C9orf72: variants seen among roughly 807,000 people sequenced by gnomAD.
C9orf72 encodes C9orf72-SMCR8 complex subunit.
C9orf72 carries 44 observed loss-of-function variants against 51.6 expected under a neutral mutation model. That is an observed-to-expected ratio of 0.85 (90% CI 0.67 to 1.10). The LOEUF is 1.10. Ranked by LOEUF, C9orf72 falls within the 50% of genes least tolerant of loss-of-function variation. C9orf72 has a pLI of 0.00. For synonymous variants in C9orf72, 213 were observed against 194.2 expected, an observed-to-expected ratio of 1.10 and a Z score of -0.81; for missense variants, 607 against 570.6, an observed-to-expected ratio of 1.06 and a Z score of -0.65.
upstream of C9orf72, chr9:27,573,528 C>CGGCCCT (rs1187731056): frequency 4.8e-4 from 17 of 35,742 alleles, no homozygotes; most frequent in African/African-American, 1.2e-3. Flanking sequence ...GACCACGCCC[C>CGGCCCT]GGCCCCGGCC....
In C9orf72 at chr9:27,556,702, T is replaced by G. The variant is rs1449481545; in HGVS notation, c.950A>C (p.Gln317Pro). 6.2e-7 allele frequency: 1 copy of G among 1,613,996 alleles called. No individual in the cohort carries two copies. The highest frequency in any genetic ancestry group is 8.5e-7 in the Non-Finnish European group (1 of 1,179,890). ...AATATGTTCATGACAGGGTGGCATC[T>G]GCTTCACAGTATTGACATCCACATC... Reference protein sequence around the residue: ...HIDVDVNTVKQMPPCHEHIYN... With the variant: ...HIDVDVNTVKPMPPCHEHIYN... The change falls in exon 8 of 11, where the codon CAG becomes CCG. Residue 317 changes from glutamine to proline, a missense_variant. Gln to Pro is a moderately conservative substitution (Grantham distance 76). Coordinates refer to ENST00000380003, the MANE Select transcript of C9orf72 (RefSeq NM_018325.5).
At position 27,566,970 on chromosome 9, in the gene C9orf72, G is replaced by T; in HGVS notation, c.151C>A (p.Gln51Lys). 1.2e-6 allele frequency: 2 copies of T among 1,614,118 alleles called. No individual in the cohort carries two copies. Among genetic ancestry groups the T allele is most frequent in the South Asian group, 2.2e-5 (2 of 91,082 alleles). Reference protein sequence around the residue: ...VRHIWAPKTEQVLLSDGEITF... With the variant: ...VRHIWAPKTEKVLLSDGEITF... ...ATTTCTCCATCACTGAGAAGTACCT[G>T]TTCTGTCTTTGGAGCCCAAATGTGC... Residue 51 changes from glutamine to lysine, a missense_variant, in exon 2 of 11, where the codon CAG (glutamine) becomes AAG (lysine). Transcript: ENST00000380003.
At chr9:27,562,696 G>C (rs961165296) in intron 3 of C9orf72, among the ~76,000 whole-genome samples, 6 of 149,928 alleles carry the variant, frequency 4.0e-5, no homozygotes, top group African/African-American at 1.5e-4. Flanking sequence ...TTTTGAGATG[G>C]AGTTTTGCTT....
chr9:27,561,297 T>C, intron 5 of C9orf72: 1 of 1,172,580 alleles, frequency 8.5e-7, no homozygotes, highest in Non-Finnish European at 1.1e-6. Context: ...AGGATTCTGT[T>C]AGCTTTAATG....
intron 1 of C9orf72, among the ~76,000 whole-genome samples, chr9:27,569,643 C>T (rs543633010): frequency 2.0e-5 from 3 of 152,260 alleles, no homozygotes; most frequent in African/African-American, 4.8e-5. Flanking sequence ...TGCATAATGA[C>T]AAAATCGCCT....
rs370456322 is a variant in C9orf72 at position 27,554,862 on chromosome 9, A to G, written c.1091+1699T>C. ...AATTTAGAGCTGGATGCAAAATTTA[A>G]AAATTCAGGATATTATTTTGTCATG... is the stretch of plus-strand genomic sequence containing the variant. On this transcript the variant is annotated intron_variant, in intron 8 of 10. Transcript: ENST00000380003. Among the ~76,000 whole-genome samples the G allele has an allele frequency of 7.2e-5, 11 of 152,228 alleles. No individual in the cohort carries two copies. In the East Asian group the frequency reaches 1.7e-3, roughly 24 times the overall value.
intron 8 of C9orf72, among the ~76,000 whole-genome samples, chr9:27,556,283 G>C (rs144312979): frequency 6.6e-6 from 1 of 151,922 alleles, no homozygotes; most frequent in South Asian, 2.1e-4. Flanking sequence ...TATTAAGCCC[G>C]GTACCTAGAA....
At chr9:27,555,441 T>G (rs775975426) in intron 8 of C9orf72, among the ~76,000 whole-genome samples, 1 of 152,206 alleles carries the variant, frequency 6.6e-6, no homozygotes, top group African/African-American at 2.4e-5. Flanking sequence ...ACTGATTCTG[T>G]AGATACATAG....
rs553690664 is a variant in C9orf72 at position 27,563,037 on chromosome 9, A to C, written c.505-561T>G. Among the ~76,000 whole-genome samples, 13 of 20,018 alleles carry C rather than the reference A, an allele frequency of 6.5e-4. No individual in the cohort carries two copies. In the South Asian group the frequency reaches 0.28, roughly 435 times the overall value. The allele number at this position is 20,018 out of a possible 152,430, so 13.1% of individuals were successfully genotyped here. On this transcript the variant is annotated intron_variant, in intron 3 of 10. Transcript: ENST00000380003. ...CTCCTTTAAAATTTGAGATAAAAAAAATTTGTTAAAGGTCATCAATATATT... is the reference window on the plus strand; with the variant it reads ...CTCCTTTAAAATTTGAGATAAAAAACATTTGTTAAAGGTCATCAATATATT...
At position 27,549,821 on chromosome 9, in the gene C9orf72, TA is replaced by T. The variant is rs562838294; in HGVS notation, c.1149+828del. 3.3e-5 allele frequency among the ~76,000 whole-genome samples: 5 copies of T among 151,186 alleles called. No homozygotes were observed. In the South Asian group the frequency reaches 1.0e-3, roughly 32 times the overall value. ...ACTTGTTATAGGTTAATGCTTGAAT[TA>T]AAATGTTTGTTGTTTGACGTATGGA... On this transcript the variant is annotated intron_variant, in intron 9 of 10. Transcript: ENST00000380003.
chr9:27,565,469 A>C, intron 3 of C9orf72, 62 bp downstream of exon 3: 2 of 1,098,638 alleles, frequency 1.8e-6, no homozygotes, highest in Non-Finnish European at 2.7e-6. Flanking sequence ...AAATGTAGCC[A>C]TCAACCTTAT....
chr9:27,566,632 T>C, intron 2 of C9orf72, 45 bp downstream of exon 2: 1 of 1,351,726 alleles, frequency 7.4e-7, no homozygotes, highest in South Asian at 1.4e-5. Context: ...AAATAAGCTT[T>C]CAACAGATAG....
At chr9:27,561,939 T>G (rs915447506) in intron 4 of C9orf72, among the ~76,000 whole-genome samples, 14 of 152,280 alleles carry the variant, frequency 9.2e-5, no homozygotes, top group African/African-American at 3.4e-4. Context: ...ACAACAAGAA[T>G]AGTTTCCTAA....
At chr9:27,572,345 T>C (rs1819605539) in intron 1 of C9orf72, among the ~76,000 whole-genome samples, 1 of 152,192 alleles carries the variant, frequency 6.6e-6, no homozygotes, top group South Asian at 2.1e-4. Context: ...ACACCGTATT[T>C]CAAGTATTCT....
At position 27,548,766 on chromosome 9, in the gene C9orf72, C is replaced by T. The variant is rs546365564; in HGVS notation, c.1150-100G>A. 2.5e-5 allele frequency: 17 copies of T among 673,694 alleles called. No individual in the cohort carries two copies. In the East Asian group the frequency reaches 4.6e-4, roughly 18 times the overall value. The allele number at this position is 673,694 out of a possible 1,614,324, so 41.7% of individuals were successfully genotyped here. On this transcript the variant is annotated intron_variant, in intron 9 of 10. Transcript: ENST00000380003. ...GACAGTGCTTGGCAGACAATACACA[C>T]TAAACATCTCCTTAACCATTTCCAC...
intron 6 of C9orf72, chr9:27,559,605 T>G (rs1349223714): frequency 6.6e-6 from 1 of 152,148 alleles, no homozygotes; most frequent in Non-Finnish European, 1.5e-5. Context: ...TTGCTGAAAT[T>G]GAAAGATACA....
In C9orf72 at chr9:27,560,288, G is replaced by A. The variant is rs1344326013; in HGVS notation, c.677C>T (p.Ser226Leu). The A allele has an allele frequency of 6.2e-7, 1 of 1,609,756 alleles. No homozygotes were observed. The highest frequency in any genetic ancestry group is 8.5e-7 in the Non-Finnish European group (1 of 1,177,550). Residue 226 changes from serine (S) to leucine (L), a missense_variant, in exon 6 of 11, where the codon TCA (serine) becomes TTA (leucine). By Grantham distance (145) the Ser-to-Leu change is moderately radical. Transcript: ENST00000380003. ...HEGFLLNAIS[S>L]HLQTCGCSVV... ...GGAACAGCCACAGGTTTGCAAGTGTGAGCTGATGGCACTGTAAGTTAAAGA... is the reference window on the plus strand; with the variant it reads ...GGAACAGCCACAGGTTTGCAAGTGTAAGCTGATGGCACTGTAAGTTAAAGA...
intron 8 of C9orf72, 180 bp downstream of exon 8, chr9:27,556,381 C>A (rs1487726541): frequency 3.4e-6 from 2 of 591,116 alleles, no homozygotes; most frequent in Non-Finnish European, 6.0e-6. Flanking sequence ...AGGGTAAACA[C>A]AATTGTATGG....
intron 8 of C9orf72, 174 bp downstream of exon 8, chr9:27,556,387 T>C (rs1213449075): frequency 5.1e-6 from 3 of 592,392 alleles, no homozygotes; most frequent in Non-Finnish European, 3.0e-6. Context: ...AACACAATTG[T>C]ATGGAAAAAG....
Sources: allele counts gnomAD v4.1 joint callset (sites outside exome capture counted in the v4.1 genomes callset), GRCh38; gene constraint gnomAD v4.1.1; transcripts MANE v1.5; gene names NCBI Gene and HGNC (gene_info 2026-07-23, HGNC 2026-07-21).